The following SSBP3 variants were observed in gnomAD, a reference collection of about 807,000 sequenced individuals.
The protein encoded by SSBP3 is single-stranded DNA-binding protein 3.
Under a neutral mutation model 69.6 loss-of-function variants are expected in SSBP3, and 5 were observed. The observed-to-expected ratio is 0.07, with a 90% CI of 0.04 to 0.15. The LOEUF (loss-of-function observed/expected upper bound fraction) is 0.15, where lower values mean the gene tolerates loss of function less well. SSBP3 is among the 10% of genes least tolerant of loss of function. SSBP3 has a pLI of 1.00. For synonymous variants in SSBP3, 196 were observed against 193.4 expected (o/e 1.01, Z -0.11); for missense variants, 312 against 534.0 (o/e 0.58, Z 4.10).
At chr1:54,408,081 TAG>T (rs1233927825), upstream of SSBP3, among the ~76,000 whole-genome samples, 1 of 152,108 alleles carries the variant, frequency 6.6e-6, no homozygotes, top group Non-Finnish European at 1.5e-5. Flanking sequence ...CTCCCTAAAT[TAG>T]AGTACAGCCA....
chr1:54,262,322 G>A (rs1404336427), intron 5 of SSBP3, among the ~76,000 whole-genome samples: 2 of 152,192 alleles, frequency 1.3e-5, no homozygotes, highest in African/African-American at 2.4e-5. Flanking sequence ...GGTGGAGCCA[G>A]GCCTCGATGT....
chr1:54,378,558 G>A (rs1194670536), intron 4 of SSBP3, among the ~76,000 whole-genome samples: 3 of 152,186 alleles, frequency 2.0e-5, no homozygotes, highest in African/African-American at 4.8e-5. Context: ...CTCCAAAGCT[G>A]CTCCCTCGGA....
chr1:54,233,467 C>T (rs1303126662), intron 14 of SSBP3, among the ~76,000 whole-genome samples: 2 of 152,050 alleles, frequency 1.3e-5, no homozygotes, highest in Admixed American at 1.3e-4. Context: ...CGGCTGGCAG[C>T]CACACCGTCT....
chr1:54,289,961 T>C (rs1210291129), intron 4 of SSBP3, among the ~76,000 whole-genome samples: 1 of 152,014 alleles, frequency 6.6e-6, no homozygotes, highest in Non-Finnish European at 1.5e-5. Flanking sequence ...GCTCATCCAG[T>C]CTCTCTCCCT....
At chr1:54,294,171 G>GA (rs1645662356) in intron 4 of SSBP3, among the ~76,000 whole-genome samples, 2 of 74,290 alleles carry the variant, frequency 2.7e-5, no homozygotes, top group Non-Finnish European at 5.4e-5. Context: ...AAGAAAGAAA[G>GA]AAAGAAAGAA....
At chr1:54,260,707 C>A (rs1378750524) in intron 5 of SSBP3, among the ~76,000 whole-genome samples, 2 of 152,108 alleles carry the variant, frequency 1.3e-5, no homozygotes, top group Admixed American at 1.3e-4. Flanking sequence ...TGGAGCCAGG[C>A]TGGTCAGGGA....
chr1:54,251,966 C>CA (rs1644838306), intron 7 of SSBP3, 106 bp from the exon 8 acceptor site: 8 of 922,796 alleles, frequency 8.7e-6, no homozygotes, highest in Non-Finnish European at 1.4e-5. Flanking sequence ...CACGTGGAGC[C>CA]ACTCATGGCC....
At chr1:54,241,660 C>T (rs1038935591) in intron 11 of SSBP3, 151 bp from the exon 12 acceptor site, 17 of 780,222 alleles carry the variant, frequency 2.2e-5, no homozygotes, top group Admixed American at 6.3e-5. Flanking sequence ...AGGGCTGGGA[C>T]GTGGCTGAAG....
At chr1:54,261,340 G>C (rs1645014732) in intron 5 of SSBP3, among the ~76,000 whole-genome samples, 1 of 152,220 alleles carries the variant, frequency 6.6e-6, no homozygotes, top group African/African-American at 2.4e-5. Context: ...TTCTCAACAA[G>C]AGATCCACAG....
chr1:54,396,406 T>C (rs1195967484), intron 4 of SSBP3, among the ~76,000 whole-genome samples: 3 of 152,144 alleles, frequency 2.0e-5, no homozygotes, highest in Non-Finnish European at 4.4e-5. Context: ...GACACTATTA[T>C]AAAGGCTACA....
intron 4 of SSBP3, among the ~76,000 whole-genome samples, chr1:54,336,815 G>A (rs2100493476): frequency 6.6e-6 from 1 of 152,288 alleles, no homozygotes; most frequent in African/African-American, 2.4e-5. Flanking sequence ...GGTCCCAGAA[G>A]GCACACGTTA....
intron 4 of SSBP3, among the ~76,000 whole-genome samples, chr1:54,401,036 TG>T (rs1294699565): frequency 1.3e-5 from 2 of 152,222 alleles, no homozygotes; most frequent in Non-Finnish European, 2.9e-5. Context: ...ACAGAGGCTA[TG>T]GAAGACCTTC....
intron 4 of SSBP3, among the ~76,000 whole-genome samples, chr1:54,400,850 G>C (rs1649241627): frequency 6.6e-6 from 1 of 152,164 alleles, no homozygotes; most frequent in Non-Finnish European, 1.5e-5. Flanking sequence ...CACATGCAGG[G>C]AACTCAGATG....
At chr1:54,234,763 T>C (rs688259) in intron 14 of SSBP3, among the ~76,000 whole-genome samples, 2 of 150,216 alleles carry the variant, frequency 1.3e-5, no homozygotes, top group Non-Finnish European at 3.0e-5. Context: ...ATCCTTTTTA[T>C]AAAAGAAAAA....
chr1:54,230,491 A>G (rs1467003061), intron 14 of SSBP3, among the ~76,000 whole-genome samples: 1 of 152,206 alleles, frequency 6.6e-6, no homozygotes, highest in Non-Finnish European at 1.5e-5. Flanking sequence ...ATGACATATT[A>G]TTGTATACTT....
intron 4 of SSBP3, among the ~76,000 whole-genome samples, chr1:54,378,398 C>A (rs1412192779): frequency 6.6e-6 from 1 of 152,182 alleles, no homozygotes; most frequent in Admixed American, 6.5e-5. Context: ...TTCTGGGCCA[C>A]TGCACAAAGA....
At chr1:54,271,915 G>A (rs542656453) in intron 5 of SSBP3, among the ~76,000 whole-genome samples, 4 of 152,184 alleles carry the variant, frequency 2.6e-5, no homozygotes, top group South Asian at 2.1e-4. Flanking sequence ...GATTCCAGTC[G>A]CATGCCACCA....
At chr1:54,287,716 G>A (rs988157989) in intron 4 of SSBP3, among the ~76,000 whole-genome samples, 3 of 152,090 alleles carry the variant, frequency 2.0e-5, no homozygotes, top group South Asian at 4.2e-4. Context: ...ATATAAATCA[G>A]GAATGGAAGC....
chr1:54,256,149 G>T (rs945757372), intron 7 of SSBP3, among the ~76,000 whole-genome samples: 2 of 151,854 alleles, frequency 1.3e-5, no homozygotes, highest in Non-Finnish European at 2.9e-5. Context: ...CCTCACTCAG[G>T]AGCCTTCTTG....
Sources: gnomAD v4.1 joint callset for allele counts (sites outside exome capture counted in the v4.1 genomes callset) on GRCh38, gnomAD v4.1.1 for gene constraint, MANE v1.5 for transcripts, NCBI Gene and HGNC (gene_info 2026-07-23, HGNC 2026-07-21) for gene names.